The following KNTC1 variants were observed in gnomAD, a reference collection of about 807,000 sequenced individuals.
The protein encoded by KNTC1 is kinetochore associated 1.
Under a neutral mutation model 314.4 loss-of-function variants are expected in KNTC1, and 253 were observed. That is an observed-to-expected ratio of 0.80 (90% CI 0.73 to 0.89). The LOEUF (loss-of-function observed/expected upper bound fraction) is 0.89, where lower values mean the gene tolerates loss of function less well. KNTC1 is among the 40% of genes least tolerant of loss of function. KNTC1 has a pLI of 0.00. For synonymous variants in KNTC1, 901 were observed against 901.4 expected, an observed-to-expected ratio of 1.00 and a Z score of 0.01; for missense variants, 2,475 against 2,572.9, an observed-to-expected ratio of 0.96 and a Z score of 0.82.
chr12:122,536,537 C>G (rs1027448147), intron 3 of KNTC1, among the ~76,000 whole-genome samples: 4 of 142,932 alleles, frequency 2.8e-5, no homozygotes, highest in African/African-American at 2.6e-5. Context: ...TTTTTTTTTC[C>G]CTGAGACAGT....
chr12:122,597,799 C>G lies in KNTC1; in HGVS notation c.4424C>G (p.Ala1475Gly). 1 of 1,614,012 alleles carries G rather than the reference C, an allele frequency of 6.2e-7. No homozygotes were observed. The highest frequency in any genetic ancestry group is 1.1e-5 in the South Asian group (1 of 91,088). The change falls in exon 44 of 64, where the codon GCC (alanine) becomes GGC (glycine). Residue 1475 changes from alanine (A) to glycine (G), a missense_variant. By Grantham distance (60) the Ala-to-Gly change is moderately conservative (BLOSUM62 0). Coordinates refer to ENST00000333479, the MANE Select transcript of KNTC1 (RefSeq NM_014708.6). ...FIETLLHNTN[A>G]GQGQGDASMD... The stretch of plus-strand genomic sequence containing the variant: ...GAAACGCTGCTCCACAACACAAATG[C>G]CGGCCAAGGCCAGGGAGATGCAAGC...
At chr12:122,579,226 G>A (rs570229120) in intron 31 of KNTC1, among the ~76,000 whole-genome samples, 16 of 150,320 alleles carry the variant, frequency 1.1e-4, no homozygotes, top group Non-Finnish European at 2.2e-4. Flanking sequence ...CACTACGCCC[G>A]GCTAATTTTT....
At chr12:122,591,699 A>G (rs1870228339) in intron 42 of KNTC1, among the ~76,000 whole-genome samples, 1 of 152,180 alleles carries the variant, frequency 6.6e-6, no homozygotes, top group Non-Finnish European at 1.5e-5. Flanking sequence ...TTTCTCATTT[A>G]TAGGTATATA....
chr12:122,542,909 T>TTTAA (rs1488813893), intron 6 of KNTC1, among the ~76,000 whole-genome samples: 2 of 152,112 alleles, frequency 1.3e-5, no homozygotes, highest in South Asian at 4.1e-4. Context: ...ATTTTATTAT[T>TTTAA]TTTATTTATT....
intron 31 of KNTC1, among the ~76,000 whole-genome samples, chr12:122,579,694 T>G (rs1356695264): frequency 1.3e-5 from 2 of 152,210 alleles, no homozygotes; most frequent in Admixed American, 1.3e-4. Context: ...TTGCATATTC[T>G]TTGATATTTC....
chr12:122,610,745 G>C, intron 52 of KNTC1, 77 bp from the exon 53 acceptor site: 1 of 923,086 alleles, frequency 1.1e-6, no homozygotes, highest in South Asian at 1.4e-5. Flanking sequence ...CCGTTCCATG[G>C]ATAGAAAGAT....
At chr12:122,546,913 A>G (rs1430361702) in intron 10 of KNTC1, among the ~76,000 whole-genome samples, 14 of 149,354 alleles carry the variant, frequency 9.4e-5, no homozygotes, top group Middle Eastern at 6.4e-3. Context: ...GCTCACTGCA[A>G]CCTCCACCTC....
chr12:122,547,472 C>A lies in KNTC1; in HGVS notation c.874C>A (p.Leu292Ile). ...AACTCCTGTATGGAACTGGCCCTCTCTTCACGTAGAAGAGTTTCTTCTTAC... is the reference window on the plus strand; with the variant it reads ...AACTCCTGTATGGAACTGGCCCTCTATTCACGTAGAAGAGTTTCTTCTTAC... ...TLTPVWNWPSLHVEEFLLTTE... is the reference protein window; with the variant it reads ...TLTPVWNWPSIHVEEFLLTTE... The change falls in exon 11 of 64, where the codon CTT (leucine) becomes ATT (isoleucine). Residue 292 changes from leucine (L) to isoleucine (I), a missense_variant. Coordinates refer to ENST00000333479, the MANE Select transcript of KNTC1 (RefSeq NM_014708.6). 1.9e-6 allele frequency: 3 copies of A among 1,613,408 alleles called. No individual in the cohort carries two copies. Among genetic ancestry groups the A allele is most frequent in the Non-Finnish European group, 2.5e-6 (3 of 1,179,472 alleles).
intron 44 of KNTC1, 47 bp from the exon 45 acceptor site, chr12:122,601,489 C>A: frequency 6.9e-7 from 1 of 1,441,136 alleles, no homozygotes; most frequent in Admixed American, 2.5e-5. Context: ...AAAATTTCAA[C>A]ATGGCAAAGT....
intron 33 of KNTC1, among the ~76,000 whole-genome samples, chr12:122,582,010 T>C: frequency 6.6e-6 from 1 of 152,182 alleles, no homozygotes; most frequent in African/African-American, 2.4e-5. Flanking sequence ...TTTCTGTCGC[T>C]GTGAATTTGC....
At chr12:122,554,085 A>ATG in intron 16 of KNTC1, among the ~76,000 whole-genome samples, 1 of 141,732 alleles carries the variant, frequency 7.1e-6, no homozygotes, top group Non-Finnish European at 1.5e-5. Context: ...AAATATATAT[A>ATG]TATATATATA....
chr12:122,620,473 T>C lies in KNTC1; in HGVS notation c.6150-6T>C. 6.2e-7 allele frequency: 1 copy of C among 1,611,356 alleles called. No homozygotes were observed. Among genetic ancestry groups the C allele is most frequent in the Non-Finnish European group, 8.5e-7 (1 of 1,178,320 alleles). ...ATTATTAACTAATTAATGTTCTCTC[T>C]CGAAGATGTCCAGTCTCAGGTGATC... On this transcript the variant is annotated splice_region_variant and splice_polypyrimidine_tract_variant and intron_variant, in intron 59 of 63. Transcript: ENST00000333479.
In KNTC1 at chr12:122,569,672, A is replaced by G. The variant is rs771623800; in HGVS notation, c.1717-9A>G. ...GTCAGATCTTAATTTCTCGCTCCTT[A>G]TAATTTAGGCAAACTTTGAAAGCAG... On this transcript the variant is annotated splice_polypyrimidine_tract_variant and intron_variant, in intron 21 of 63. Coordinates refer to ENST00000333479, the MANE Select transcript of KNTC1 (RefSeq NM_014708.6). 2 of 1,604,860 alleles carry G rather than the reference A, an allele frequency of 1.2e-6. No homozygotes were observed. The highest frequency in any genetic ancestry group is 1.7e-6 in the Non-Finnish European group (2 of 1,175,780).
intron 2 of KNTC1, among the ~76,000 whole-genome samples, chr12:122,531,787 A>G (rs1304268088): frequency 1.6e-4 from 25 of 152,018 alleles, no homozygotes; most frequent in African/African-American, 5.8e-4. Flanking sequence ...AGGCTGGAGT[A>G]CAGTGGCATG....
In KNTC1 at chr12:122,579,976, A is replaced by G; in HGVS notation, c.2913A>G (p.Lys971=). 6.2e-7 allele frequency: 1 copy of G among 1,600,018 alleles called. No homozygotes were observed. The highest frequency in any genetic ancestry group is 8.6e-7 in the Non-Finnish European group (1 of 1,167,396). ...TTAAGATACTATGTGACATTCAGAA[A>G]GGTAGCTTTTACTTCTGTTTTCTCA... ...DILKILCDIQ[K]DNLQKKDECE... is the part of the protein sequence containing the mutation. Residue 971 remains lysine, a splice_region_variant and synonymous_variant, in exon 32 of 64, where the codon AAA becomes AAG. Transcript: ENST00000333479.
chr12:122,581,027 C>CAA (rs11344365), intron 33 of KNTC1, among the ~76,000 whole-genome samples: 2 of 117,916 alleles, frequency 1.7e-5, no homozygotes, highest in Admixed American at 8.6e-5. Flanking sequence ...GACTCCATCT[C>CAA]AAAAAAAAAA....
intron 18 of KNTC1, among the ~76,000 whole-genome samples, chr12:122,561,223 G>A (rs1010540736): frequency 3.3e-5 from 5 of 151,860 alleles, no homozygotes; most frequent in African/African-American, 4.8e-5. Flanking sequence ...GCTGAGGCAG[G>A]AGAATTACTT....
chr12:122,546,309 T>A, intron 9 of KNTC1, 40 bp downstream of exon 9: 1 of 1,228,036 alleles, frequency 8.1e-7, no homozygotes, highest in East Asian at 2.4e-5. Flanking sequence ...CAATTATTAG[T>A]GAGTTTTAAT....
intron 12 of KNTC1, among the ~76,000 whole-genome samples, chr12:122,549,392 C>G (rs1963029507): frequency 6.6e-6 from 1 of 151,846 alleles, no homozygotes; most frequent in Non-Finnish European, 1.5e-5. Flanking sequence ...CTCTGTTGCC[C>G]AGGCCGGAGT....
Sources: gnomAD v4.1 joint callset for allele counts (sites outside exome capture counted in the v4.1 genomes callset) on GRCh38, gnomAD v4.1.1 for gene constraint, MANE v1.5 for transcripts, NCBI Gene and HGNC (gene_info 2026-07-23, HGNC 2026-07-21) for gene names.